GPR50: variants seen among roughly 807,000 people sequenced by gnomAD.
GPR50 encodes the protein melatonin-related receptor.
Under a neutral mutation model 2.6 loss-of-function variants are expected in GPR50, and 1 was observed. The observed-to-expected ratio is 0.38, with a 90% confidence interval of 0.13 to 1.79. The LOEUF is 1.79. Among genes scored for constraint, GPR50 ranks in the 40% most tolerant of loss-of-function variants. The probability of loss-of-function intolerance (pLI) is 0.33; values close to 1 mark genes in which losing one functional copy is unlikely to be tolerated. For missense variants in GPR50, 535 were observed against 522.1 expected, an observed-to-expected ratio of 1.02 and a Z score of -0.24; for synonymous variants, 233 against 202.3, an observed-to-expected ratio of 1.15 and a Z score of -1.29.
intron 1 of GPR50, chrX:151,177,346 T>A (rs1476864806): frequency 4.3e-5 from 5 of 115,708 alleles, no homozygotes; most frequent in Non-Finnish European, 7.2e-5. Flanking sequence ...TCTGTGAAAG[T>A]TAAGTTCGCG....
chrX:151,180,285 C>T lies in GPR50; in HGVS notation c.702C>T (p.Arg234=). Residue 234 remains arginine, a synonymous_variant, in exon 2 of 2, where the codon CGC becomes CGT. Transcript: ENST00000218316. The stretch of plus-strand genomic sequence containing the variant: ...CTGACAACCAACTTGCTGAGGTTCG[C>T]AATTTTCTAACCATGTTTGTGATCT... ...QNPDNQLAEV[R]NFLTMFVIFL... The T allele has an allele frequency of 2.5e-6, 3 of 1,209,329 alleles. No individual in the cohort carries two copies. The highest frequency in any genetic ancestry group is 3.4e-6 in the Non-Finnish European group (3 of 895,177).
intron 1 of GPR50, among the ~76,000 whole-genome samples, chrX:151,178,351 T>C (rs763473016): frequency 5.1e-4 from 58 of 112,846 alleles, no homozygotes; most frequent in South Asian, 1.1e-3. Flanking sequence ...CGTGGGGCCA[T>C]ACACTAGGTC....
At position 151,181,005 on chromosome X, in the gene GPR50, C is replaced by T. The variant is rs1212856862; in HGVS notation, c.1422C>T (p.Pro474=). 8.3e-7 allele frequency: 1 copy of T among 1,211,495 alleles called. No homozygotes were observed. The highest frequency in any genetic ancestry group is 1.7e-5 in the African/African-American group (1 of 57,784). Residue 474 remains proline (P), a synonymous_variant, in exon 2 of 2, where the codon CCC becomes CCT. Coordinates refer to ENST00000218316, the MANE Select transcript of GPR50 (RefSeq NM_004224.3). The stretch of plus-strand genomic sequence containing the variant: ...ATTTCAAGCCTGCTTCCAGCAACCC[C>T]AAGCCCATCACTGGCCACCATGTCT... ...SVHFKPASSN[P]KPITGHHVSA...
chrX:151,177,763 G>C (rs753212176), intron 1 of GPR50: 8 of 112,438 alleles, frequency 7.1e-5, no homozygotes, highest in African/African-American at 2.3e-4. Context: ...CGACGGGAGA[G>C]CTCAGAGGCG....
chrX:151,180,734 G>C lies in GPR50; in HGVS notation c.1151G>C (p.Gly384Ala), dbSNP rs367675848. The C allele has an allele frequency of 6.0e-5, 72 of 1,208,188 alleles. No individual in the cohort carries two copies. In the African/African-American group the frequency reaches 1.2e-3, roughly 20 times the overall value. ...AAAGHPDRAS[G>A]HPKPHSRSSS... ...GCTGGCCACCCCGACCGTGCCTCTG[G>C]CCACCCTAAGCCCCATTCCAGATCC... Residue 384 changes from glycine to alanine, a missense_variant, in exon 2 of 2, where the codon GGC (glycine) becomes GCC (alanine). Transcript: ENST00000218316.
intron 1 of GPR50, among the ~76,000 whole-genome samples, chrX:151,179,374 T>C (rs1204830125): frequency 9.0e-6 from 1 of 110,618 alleles, no homozygotes; most frequent in Non-Finnish European, 1.9e-5. Context: ...ATTTTTTTAG[T>C]TTGAGGCTTC....
intron 1 of GPR50, 75 bp downstream of exon 1, chrX:151,176,983 C>T (rs1602726080): frequency 2.9e-6 from 2 of 688,426 alleles, no homozygotes; most frequent in South Asian, 2.6e-5. Context: ...TTGAGCTCCC[C>T]GAATAGAGAA....
intron 1 of GPR50, among the ~76,000 whole-genome samples, chrX:151,179,300 G>T (rs766680392): frequency 2.8e-4 from 31 of 110,086 alleles, no homozygotes; most frequent in African/African-American, 1.0e-3. Context: ...TATTATAAAT[G>T]CAATGCTAGG....
chrX:151,181,651 C>T (rs959375971), downstream of GPR50, among the ~76,000 whole-genome samples: 1 of 111,727 alleles, frequency 9.0e-6, no homozygotes, highest in African/African-American at 3.3e-5. Context: ...TTTTAGAGAC[C>T]TTAATTTCCC....
At chrX:151,181,472 C>G (rs894916748), downstream of GPR50, 2 of 1,050,020 alleles carry the variant, frequency 1.9e-6, no homozygotes, top group African/African-American at 3.7e-5. Context: ...CAGTGGTCCC[C>G]TTTCTAGTTT....
chrX:151,178,070 C>A (rs920559255), intron 1 of GPR50, among the ~76,000 whole-genome samples: 14 of 109,087 alleles, frequency 1.3e-4, no homozygotes, highest in Non-Finnish European at 1.9e-5. Context: ...GAGGGAGGGG[C>A]GGCGCCTGGA....
At chrX:151,177,039 C>T in intron 1 of GPR50, 131 bp downstream of exon 1, 1 of 480,399 alleles carries the variant, frequency 2.1e-6, no homozygotes. Context: ...TCCCAAATTC[C>T]CCGCAAGCCT....
intron 1 of GPR50, among the ~76,000 whole-genome samples, chrX:151,178,876 C>T (rs1440904818): frequency 8.9e-6 from 1 of 112,109 alleles, no homozygotes; most frequent in Admixed American, 9.4e-5. Flanking sequence ...TGGGGGTGAC[C>T]CTTCTTCTCT....
At position 151,181,215 on chromosome X, in the gene GPR50, C is replaced by T; in HGVS notation, c.1632C>T (p.Cys544=). ...ADNPELSASH[C]PEIPAIAHPV... is the part of the protein sequence containing the mutation. ...ACCCTGAGCTCTCTGCCTCCCATTGCCCCGAGATCCCTGCCATTGCCCACC... is the reference window on the plus strand; with the variant it reads ...ACCCTGAGCTCTCTGCCTCCCATTGTCCCGAGATCCCTGCCATTGCCCACC... The change falls in exon 2 of 2, where the codon TGC becomes TGT. Residue 544 remains cysteine (C), a synonymous_variant. Transcript: ENST00000218316. The T allele has an allele frequency of 1.7e-6, 2 of 1,210,175 alleles. No individual in the cohort carries two copies. Among genetic ancestry groups the T allele is most frequent in the Non-Finnish European group, 2.2e-6 (2 of 894,304 alleles).
rs753224090 is a variant in GPR50 at position 151,181,254 on chromosome X, C to T, written c.1671C>T (p.Asp557=). Reference sequence around the variant, plus strand: ...CCATTGCCCACCCTGTGTCTGACGACAGTGACCTCCCTGAGTCGGCCTCTA... The same window carrying T: ...CCATTGCCCACCCTGTGTCTGACGATAGTGACCTCCCTGAGTCGGCCTCTA... ...IPAIAHPVSD[D]SDLPESASSP... Residue 557 remains aspartate (D), a synonymous_variant, in exon 2 of 2, where the codon GAC becomes GAT. Coordinates refer to ENST00000218316, the MANE Select transcript of GPR50 (RefSeq NM_004224.3). 20 of 1,208,887 alleles carry T rather than the reference C, an allele frequency of 1.7e-5. No homozygotes were observed. Among genetic ancestry groups the T allele is most frequent in the African/African-American group, 1.4e-4 (8 of 57,070 alleles).
downstream of GPR50, among the ~76,000 whole-genome samples, chrX:151,182,230 A>G (rs1001355813): frequency 2.7e-5 from 3 of 111,270 alleles, no homozygotes; most frequent in African/African-American, 6.5e-5. Flanking sequence ...CTTTTTTAGC[A>G]TTTGCCGGGA....
At chrX:151,181,694 T>A (rs2048716315), downstream of GPR50, among the ~76,000 whole-genome samples, 1 of 111,936 alleles carries the variant, frequency 8.9e-6, no homozygotes, top group Admixed American at 9.4e-5. Context: ...CAAACCTCCC[T>A]TTCCAACTAT....
In GPR50 at chrX:151,180,390, C is replaced by G; in HGVS notation, c.807C>G (p.Gly269=). 1 of 1,211,077 alleles carries G rather than the reference C, an allele frequency of 8.3e-7. No homozygotes were observed. The highest frequency in any genetic ancestry group is 1.7e-5 in the African/African-American group (1 of 57,788). The change falls in exon 2 of 2, where the codon GGC becomes GGG. Residue 269 remains glycine (G), a synonymous_variant. Transcript: ENST00000218316. Reference sequence around the variant, plus strand: ...CTGTCAGTCCGAAGGAGATGGCAGGCAAGATCCCCAACTGGCTTTATCTTG... The same window carrying G: ...CTGTCAGTCCGAAGGAGATGGCAGGGAAGATCCCCAACTGGCTTTATCTTG... ...LVAVSPKEMA[G]KIPNWLYLAA...
In GPR50 at chrX:151,180,298, A is replaced by T; in HGVS notation, c.715A>T (p.Met239Leu). ...TGCTGAGGTTCGCAATTTTCTAACC[A>T]TGTTTGTGATCTTCCTCCTCTTTGC... The part of the protein sequence containing the change: ...QLAEVRNFLT[M>L]FVIFLLFAVC... Residue 239 changes from methionine (M) to leucine (L), a missense_variant, in exon 2 of 2, where the codon ATG (methionine) becomes TTG (leucine). Transcript: ENST00000218316. 8.3e-7 allele frequency: 1 copy of T among 1,208,904 alleles called. No individual in the cohort carries two copies. Among genetic ancestry groups the T allele is most frequent in the South Asian group, 1.8e-5 (1 of 56,828 alleles).
Sources: allele counts gnomAD v4.1 joint callset (sites outside exome capture counted in the v4.1 genomes callset), GRCh38; gene constraint gnomAD v4.1.1; transcripts MANE v1.5; gene names NCBI Gene and HGNC (gene_info 2026-07-23, HGNC 2026-07-21).